KHDRBS2: variants seen among roughly 807,000 people sequenced by gnomAD.
The protein encoded by KHDRBS2 is KH RNA binding domain containing, signal transduction associated 2.
Under a neutral mutation model 44.3 loss-of-function variants are expected in KHDRBS2, and 26 were observed. The observed-to-expected ratio is 0.59, with a 90% CI of 0.43 to 0.81. KHDRBS2 has a LOEUF of 0.81. KHDRBS2 is among the 40% of genes least tolerant of loss of function. The pLI is 0.00. For synonymous variants in KHDRBS2, 194 were observed against 151.1 expected, an observed-to-expected ratio of 1.28 and a Z score of -2.08; for missense variants, 476 against 433.1, an observed-to-expected ratio of 1.10 and a Z score of -0.88.
intron 1 of KHDRBS2, among the ~76,000 whole-genome samples, chr6:62,267,423 G>T (rs1481922011): frequency 6.6e-6 from 1 of 151,952 alleles, no homozygotes; most frequent in East Asian, 1.9e-4. Flanking sequence ...TCTTTTAGCT[G>T]CTCTGAGCCA....
At chr6:61,620,318 T>G in the KHDRBS2 span, among the ~76,000 whole-genome samples, 125 of 152,274 alleles carry the variant, frequency 8.2e-4, no homozygotes, top group African/African-American at 2.7e-3. Flanking sequence ...ATTAGTAGTA[T>G]TATTGATTCT....
At chr6:61,881,582 C>CA (rs999683326) in intron 6 of KHDRBS2, among the ~76,000 whole-genome samples, 7 of 151,936 alleles carry the variant, frequency 4.6e-5, no homozygotes, top group African/African-American at 1.7e-4. Flanking sequence ...CAAATGGCAT[C>CA]AGCACTAACT....
intron 4 of KHDRBS2, 84 bp from the exon 5 acceptor site, chr6:61,901,455 A>C: frequency 7.8e-6 from 3 of 382,800 alleles, no homozygotes; most frequent in Non-Finnish European, 7.9e-6. Flanking sequence ...AACAAAACAA[A>C]ACGCAATAGG....
intron 6 of KHDRBS2, among the ~76,000 whole-genome samples, chr6:61,856,109 A>T (rs898477783): frequency 1.3e-4 from 20 of 152,084 alleles, no homozygotes; most frequent in African/African-American, 4.8e-4. Flanking sequence ...TAGTTTTCAT[A>T]CAGTGTTTTC....
At chr6:61,753,548 A>G (rs553683134) in intron 6 of KHDRBS2, among the ~76,000 whole-genome samples, 1 of 152,140 alleles carries the variant, frequency 6.6e-6, no homozygotes, top group South Asian at 2.1e-4. Context: ...AATCAATAGG[A>G]TCTTTTGTGG....
the KHDRBS2 span, among the ~76,000 whole-genome samples, chr6:61,635,699 G>T: frequency 6.6e-6 from 1 of 151,942 alleles, no homozygotes; most frequent in Admixed American, 6.6e-5. Flanking sequence ...CAGAAAAGGT[G>T]TTCTTTACAT....
At chr6:62,077,043 A>T (rs572963019) in intron 2 of KHDRBS2, among the ~76,000 whole-genome samples, 2 of 152,094 alleles carry the variant, frequency 1.3e-5, no homozygotes, top group South Asian at 4.1e-4. Flanking sequence ...AAGATCCTAC[A>T]TCTAAAAAAA....
Position 62,260,600 on chromosome 6 carries a change from A to T in KHDRBS2, c.91+25258T>A, listed in dbSNP as rs1016127698. On this transcript the variant is annotated intron_variant, in intron 1 of 8. Transcript: ENST00000281156. Reference sequence around the variant, plus strand: ...TGAACTGGTATTCAGAATTTTTTTTAAAAAAAGAAAACTTCATTAATCTTG... The same window carrying T: ...TGAACTGGTATTCAGAATTTTTTTTTAAAAAAGAAAACTTCATTAATCTTG... Among the ~76,000 whole-genome samples the T allele has an allele frequency of 1.6e-4, 24 of 152,058 alleles. 1 individual carries two copies. Among genetic ancestry groups the T allele is most frequent in the African/African-American group, 3.4e-4 (14 of 41,518 alleles).
At chr6:61,750,251 G>A (rs1777471143) in intron 6 of KHDRBS2, among the ~76,000 whole-genome samples, 1 of 152,110 alleles carries the variant, frequency 6.6e-6, no homozygotes, top group South Asian at 2.1e-4. Context: ...TTAAATCTGA[G>A]GAAGGCTCAT....
intron 2 of KHDRBS2, among the ~76,000 whole-genome samples, chr6:62,112,833 A>C (rs574396867): frequency 6.6e-6 from 1 of 152,270 alleles, no homozygotes; most frequent in Non-Finnish European, 1.5e-5. Flanking sequence ...CAATTGGTGC[A>C]TCAAAATTAT....
At chr6:62,117,551 G>A (rs1490819758) in intron 2 of KHDRBS2, among the ~76,000 whole-genome samples, 2 of 151,956 alleles carry the variant, frequency 1.3e-5, no homozygotes, top group Non-Finnish European at 2.9e-5. Flanking sequence ...CCTATTCTGT[G>A]TGTTGTCTCT....
At chr6:62,240,181 A>G (rs895626269) in intron 1 of KHDRBS2, among the ~76,000 whole-genome samples, 11 of 152,088 alleles carry the variant, frequency 7.2e-5, no homozygotes, top group Admixed American at 2.6e-4. Flanking sequence ...ATAATCCAAT[A>G]TTGGTTTATT....
At chr6:62,193,943 G>A (rs1026826598) in intron 1 of KHDRBS2, among the ~76,000 whole-genome samples, 24 of 152,036 alleles carry the variant, frequency 1.6e-4, no homozygotes, top group African/African-American at 5.6e-4. Flanking sequence ...TTATTACTGA[G>A]TCATAAAAGT....
intron 3 of KHDRBS2, among the ~76,000 whole-genome samples, chr6:62,015,923 T>C (rs1781123689): frequency 6.6e-6 from 1 of 152,182 alleles, no homozygotes; most frequent in African/African-American, 2.4e-5. Context: ...AATAATTTTA[T>C]TCCAGTGTCA....
intron 6 of KHDRBS2, among the ~76,000 whole-genome samples, chr6:61,752,024 A>G (rs988796878): frequency 2.6e-5 from 4 of 152,086 alleles, no homozygotes; most frequent in African/African-American, 9.7e-5. Flanking sequence ...TAATGACCCC[A>G]TTTTATATTA....
At chr6:61,825,125 G>A (rs74836728) in intron 6 of KHDRBS2, among the ~76,000 whole-genome samples, 442 of 152,070 alleles carry the variant, frequency 2.9e-3, no homozygotes, top group Non-Finnish European at 5.2e-3. Context: ...TATTTCATTA[G>A]ACAAAAGCAT....
intron 2 of KHDRBS2, among the ~76,000 whole-genome samples, chr6:62,136,249 T>C (rs1430141655): frequency 6.6e-6 from 1 of 152,176 alleles, no homozygotes; most frequent in Non-Finnish European, 1.5e-5. Flanking sequence ...AAACAACTCA[T>C]GGAATTTGGT....
intron 1 of KHDRBS2, among the ~76,000 whole-genome samples, chr6:62,217,915 A>T (rs955465716): frequency 6.6e-6 from 1 of 151,896 alleles, no homozygotes; most frequent in African/African-American, 2.4e-5. Flanking sequence ...ATTTGAACCA[A>T]TCCTTCAAAT....
At chr6:61,778,060 T>C (rs1782374664) in intron 6 of KHDRBS2, among the ~76,000 whole-genome samples, 1 of 152,152 alleles carries the variant, frequency 6.6e-6, no homozygotes. Context: ...TGACCACTCC[T>C]ATTCAACATA....
Sources: allele counts gnomAD v4.1 joint callset (sites outside exome capture counted in the v4.1 genomes callset), GRCh38; gene constraint gnomAD v4.1.1; transcripts MANE v1.5; gene names NCBI Gene and HGNC (gene_info 2026-07-23, HGNC 2026-07-21).